Variants in ZC3H13 observed in about 807,000 individuals in gnomAD.
The protein encoded by ZC3H13 is zinc finger CCCH domain-containing protein 13.
In ZC3H13, 64 loss-of-function variants were observed where a neutral mutation model predicts 204.1. The observed-to-expected ratio is 0.31, with a 90% CI of 0.26 to 0.39. The LOEUF (loss-of-function observed/expected upper bound fraction) is 0.39. ZC3H13 is among the 10% of genes least tolerant of loss of function. The probability of loss-of-function intolerance (pLI) is 1.00; values close to 1 mark genes in which losing one functional copy is unlikely to be tolerated. For missense variants in ZC3H13, 1,833 were observed against 2,082.7 expected (o/e 0.88, Z 2.33); for synonymous variants, 667 against 693.7 (o/e 0.96, Z 0.60).
At chr13:45,959,365 A>T (rs1951513973) in intron 18 of ZC3H13, 118 bp downstream of exon 18, 1 of 1,023,020 alleles carries the variant, frequency 9.8e-7, no homozygotes, top group East Asian at 2.9e-5. Flanking sequence ...CATGTATAAA[A>T]GATTAGGAAA....
rs548294362 is a variant in ZC3H13 at position 45,956,275 on chromosome 13, T to A, written c.*852A>T. On this transcript the variant is annotated 3_prime_UTR_variant, in exon 19 of 19. Transcript: ENST00000679008. ...CTTCAAAAGCCACATTCCAAGAAGA[T>A]GCCTTAAGTATCAATGAGCTATATT... The A allele has an allele frequency of 6.6e-6, 1 of 152,256 alleles. No individual in the cohort carries two copies. The highest frequency in any genetic ancestry group is 2.1e-4 in the South Asian group (1 of 4,826). 9.4% of individuals were successfully genotyped at this position (152,256 alleles called of 1,614,324 possible). A position where few individuals can be genotyped will look rare whatever the true frequency, so the allele number is the denominator to read the frequency against.
At chr13:45,976,126 T>C in intron 11 of ZC3H13, 1 of 917,008 alleles carries the variant, frequency 1.1e-6, no homozygotes, top group Non-Finnish European at 1.3e-6. Flanking sequence ...GCATGCTCCC[T>C]ACCCTACCTC....
rs1309257802 is a variant in ZC3H13, at chr13:45,956,233, C to T, written c.*894G>A. ...GTTAGGTTTGTTAACTCTTGATTTGCTTTGAGTAATTTTTTTCTTCAAAAG... is the reference window on the plus strand; with the variant it reads ...GTTAGGTTTGTTAACTCTTGATTTGTTTTGAGTAATTTTTTTCTTCAAAAG... On this transcript the variant is annotated 3_prime_UTR_variant, in exon 19 of 19. Transcript: ENST00000679008. 6.6e-6 allele frequency: 1 copy of T among 152,012 alleles called. No individual in the cohort carries two copies. The highest frequency in any genetic ancestry group is 1.9e-4 in the East Asian group (1 of 5,202). The allele number at this position is 152,012 out of a possible 1,614,324, so 9.4% of individuals were successfully genotyped here.
chr13:45,961,347 T>C (rs1023772776), intron 17 of ZC3H13, among the ~76,000 whole-genome samples: 1 of 151,990 alleles, frequency 6.6e-6, no homozygotes, highest in Non-Finnish European at 1.5e-5. Context: ...TTCAAAATAG[T>C]AGATTACAAA....
chr13:45,977,623 T>C (rs1370604053), intron 11 of ZC3H13, among the ~76,000 whole-genome samples: 6 of 152,164 alleles, frequency 3.9e-5, no homozygotes, highest in Non-Finnish European at 8.8e-5. Context: ...AGCCTCATCA[T>C]ATCCAAGTAC....
chr13:45,988,391 A>G (rs866970541), intron 9 of ZC3H13, among the ~76,000 whole-genome samples: 7 of 152,004 alleles, frequency 4.6e-5, no homozygotes, highest in South Asian at 2.1e-4. Flanking sequence ...CCGAGTAGCT[A>G]GGACTACAGG....
intron 7 of ZC3H13, 40 bp from the exon 8 acceptor site, chr13:46,003,376 G>A: frequency 6.4e-7 from 1 of 1,552,410 alleles, no homozygotes; most frequent in Non-Finnish European, 8.7e-7. Context: ...GTTCAAATAT[G>A]CCAAAAGGAT....
At chr13:46,042,538 C>T (rs941280270) in intron 3 of ZC3H13, among the ~76,000 whole-genome samples, 1 of 151,968 alleles carries the variant, frequency 6.6e-6, no homozygotes, top group Non-Finnish European at 1.5e-5. Flanking sequence ...GTGGCAGGTA[C>T]TGGTGATGTG....
chr13:45,987,847 C>A (rs566751835), intron 9 of ZC3H13, among the ~76,000 whole-genome samples: 1 of 152,078 alleles, frequency 6.6e-6, no homozygotes, highest in Non-Finnish European at 1.5e-5. Context: ...TCTACGAAGA[C>A]CAGAAGCTTA....
chr13:46,028,726 CA>C (rs1304709910), intron 4 of ZC3H13, among the ~76,000 whole-genome samples: 2 of 151,526 alleles, frequency 1.3e-5, no homozygotes, highest in Non-Finnish European at 2.9e-5. Flanking sequence ...GAAGAAATTG[CA>C]AAAAAATTTT....
At chr13:45,975,200 G>GAGT in intron 12 of ZC3H13, 83 bp downstream of exon 12, 1 of 1,507,034 alleles carries the variant, frequency 6.6e-7, no homozygotes, top group Non-Finnish European at 8.9e-7. Flanking sequence ...AGGAAATTAA[G>GAGT]AGTATATTGA....
intron 4 of ZC3H13, among the ~76,000 whole-genome samples, chr13:46,031,212 C>T (rs911555675): frequency 4.6e-5 from 7 of 151,702 alleles, no homozygotes; most frequent in African/African-American, 7.3e-5. Flanking sequence ...CTGAAACAAC[C>T]GGACAACCAA....
intron 12 of ZC3H13, among the ~76,000 whole-genome samples, chr13:45,971,704 T>A (rs1221483530): frequency 6.6e-5 from 10 of 151,862 alleles, no homozygotes. Context: ...GCAAAATAAA[T>A]AACAAAGACA....
intron 16 of ZC3H13, among the ~76,000 whole-genome samples, chr13:45,964,765 G>C (rs1263698870): frequency 6.6e-6 from 1 of 152,166 alleles, no homozygotes; most frequent in Non-Finnish European, 1.5e-5. Context: ...AAGGGGTGTT[G>C]CTTCATGGTA....
chr13:46,003,673 A>G (rs1808793694), intron 7 of ZC3H13, among the ~76,000 whole-genome samples: 2 of 152,200 alleles, frequency 1.3e-5, no homozygotes, highest in Admixed American at 1.3e-4. Context: ...TAGACAAAGA[A>G]AGTAAAAATC....
Position 45,968,042 on chromosome 13 carries a change from A to C in ZC3H13, c.3797-14T>G, listed in dbSNP as rs778796694. 5.8e-6 allele frequency: 9 copies of C among 1,556,242 alleles called. No individual in the cohort carries two copies. The highest frequency in any genetic ancestry group is 2.0e-5 in the Admixed American group (1 of 48,806). ...AATCCTGGCGATCTAAAATAAATAT[A>C]CCATATATAAAGAGTTATTAGCACA... On this transcript the variant is annotated splice_polypyrimidine_tract_variant and intron_variant, in intron 14 of 18. Coordinates refer to ENST00000679008, the MANE Select transcript of ZC3H13 (RefSeq NM_001330564.2).
rs951459178 is a variant in ZC3H13 at position 45,970,268 on chromosome 13, A to G, written c.2572+94T>C. The G allele has an allele frequency of 2.0e-4, 271 of 1,373,520 alleles. 1 individual carries two copies. The highest frequency in any genetic ancestry group is 3.7e-5 in the Non-Finnish European group (37 of 1,000,310). 85.1% of individuals were successfully genotyped at this position (1,373,520 alleles called of 1,614,324 possible). On this transcript the variant is annotated intron_variant, in intron 13 of 18. Coordinates refer to ENST00000679008, the MANE Select transcript of ZC3H13 (RefSeq NM_001330564.2). Reference sequence around the variant, plus strand: ...AGCAAAGCAAGACAACTTTTTAAAAATCTTAATTCATCAGTTCCTACTAGT... The same window carrying G: ...AGCAAAGCAAGACAACTTTTTAAAAGTCTTAATTCATCAGTTCCTACTAGT...
At chr13:45,984,845 C>T (rs369652468) in intron 10 of ZC3H13, among the ~76,000 whole-genome samples, 4 of 152,128 alleles carry the variant, frequency 2.6e-5, no homozygotes, top group South Asian at 2.1e-4. Context: ...AAGATAATGA[C>T]GTGTGGCAGT....
intron 11 of ZC3H13, among the ~76,000 whole-genome samples, chr13:45,978,414 A>G (rs376129511): frequency 4.0e-5 from 6 of 151,392 alleles, no homozygotes; most frequent in African/African-American, 1.2e-4. Flanking sequence ...TAAAATTAAA[A>G]TAGAGAACTG....
Sources: gnomAD v4.1 joint callset for allele counts (sites outside exome capture counted in the v4.1 genomes callset) on GRCh38, gnomAD v4.1.1 for gene constraint, MANE v1.5 for transcripts, NCBI Gene and HGNC (gene_info 2026-07-23, HGNC 2026-07-21) for gene names.